The following MYO10 variants were observed in gnomAD, a reference collection of about 807,000 sequenced individuals.
MYO10 encodes unconventional myosin-X.
A neutral mutation model predicts 257.3 loss-of-function variants in MYO10; 133 were observed. The ratio of observed to expected loss-of-function variants is 0.52; its 90% confidence interval spans 0.45 to 0.60. The LOEUF is 0.60. MYO10 is among the 20% of genes least tolerant of loss of function. The pLI, the probability that MYO10 is intolerant of heterozygous loss-of-function variation, is 0.00. For missense variants in MYO10, 2,399 were observed against 2,635.7 expected (o/e 0.91, Z 1.97); for synonymous variants, 1,104 against 1,028.6 (o/e 1.07, Z -1.40).
chr5:16,718,335 C>G (rs577641760), intron 19 of MYO10, among the ~76,000 whole-genome samples: 7 of 152,340 alleles, frequency 4.6e-5, no homozygotes, highest in African/African-American at 1.7e-4. Context: ...CTAAGGAATG[C>G]GAGCGCACGG....
chr5:16,780,249 GA>G (rs1741382059), intron 8 of MYO10, among the ~76,000 whole-genome samples: 1 of 151,912 alleles, frequency 6.6e-6, no homozygotes, highest in African/African-American at 2.4e-5. Context: ...GCTGAAAAGT[GA>G]AACCAGCTGT....
In MYO10 at chr5:16,925,032, C is replaced by T. The variant is rs1009099637; in HGVS notation, c.21+10756G>A. 9.2e-4 allele frequency among the ~76,000 whole-genome samples: 140 copies of T among 152,088 alleles called. 1 individual carries two copies. The highest frequency in any genetic ancestry group is 3.4e-3 in the Middle Eastern group (1 of 294). ...TTTTTTAGTAGAGACAGGTTTTCAC[C>T]GTGTTAGTCAGGATGGTCTCGATCT... On this transcript the variant is annotated intron_variant, in intron 1 of 40. Coordinates refer to ENST00000513610, the MANE Select transcript of MYO10 (RefSeq NM_012334.3).
chr5:16,723,857 T>C (rs1266120393), intron 19 of MYO10, among the ~76,000 whole-genome samples: 2 of 152,200 alleles, frequency 1.3e-5, no homozygotes, highest in Non-Finnish European at 2.9e-5. Context: ...CAGTCTGAAA[T>C]GGCTATATAC....
intron 22 of MYO10, 29 bp from the exon 23 acceptor site, chr5:16,703,187 G>A (rs540011012): frequency 2.4e-5 from 37 of 1,526,954 alleles, no homozygotes; most frequent in Non-Finnish European, 3.2e-5. Flanking sequence ...AAGAGAATCG[G>A]CATTGAAGTA....
At chr5:16,917,909 C>T (rs1181187858) in intron 1 of MYO10, among the ~76,000 whole-genome samples, 2 of 152,118 alleles carry the variant, frequency 1.3e-5, no homozygotes, top group Non-Finnish European at 2.9e-5. Context: ...TGTATCCATC[C>T]CTTGATAACT....
At chr5:16,894,070 G>A (rs1226621525) in intron 1 of MYO10, among the ~76,000 whole-genome samples, 2 of 152,154 alleles carry the variant, frequency 1.3e-5, no homozygotes, top group Admixed American at 1.3e-4. Context: ...GGGAGTCCCT[G>A]TACACCTCTC....
rs146574486 is a variant in MYO10 at position 16,728,794 on chromosome 5, C to T, written c.1930-17549G>A. Among the ~76,000 whole-genome samples the T allele has an allele frequency of 9.8e-3, 1,493 of 152,296 alleles. 25 individuals carry two copies. The highest frequency in any genetic ancestry group is 0.033 in the African/African-American group (1,386 of 41,552). The stretch of plus-strand genomic sequence containing the variant: ...CGTCCTCGTGGGAAAACCAGAAGAG[C>T]GTGACTCCAAGTGTGGCCTGGGACG... On this transcript the variant is annotated intron_variant, in intron 19 of 40. Coordinates refer to ENST00000513610, the MANE Select transcript of MYO10 (RefSeq NM_012334.3).
intron 14 of MYO10, 54 bp downstream of exon 14, chr5:16,763,427 A>G (rs944374444): frequency 5.3e-5 from 73 of 1,371,686 alleles, no homozygotes; most frequent in Non-Finnish European, 7.6e-5. Context: ...ATAAATATGA[A>G]TCAGTCCAGC....
chr5:16,824,841 T>C (rs1289999112), intron 2 of MYO10, among the ~76,000 whole-genome samples: 1 of 152,014 alleles, frequency 6.6e-6, no homozygotes, highest in African/African-American at 2.4e-5. Context: ...CACACCAGAC[T>C]GGGCAACAGA....
chr5:16,859,251 T>C (rs1022032953), intron 2 of MYO10, among the ~76,000 whole-genome samples: 6 of 152,198 alleles, frequency 3.9e-5, no homozygotes, highest in Non-Finnish European at 7.4e-5. Context: ...AGCAAGGATA[T>C]TCTGCATCTG....
intron 35 of MYO10, among the ~76,000 whole-genome samples, chr5:16,674,229 A>T (rs1477350694): frequency 6.6e-6 from 1 of 152,172 alleles, no homozygotes; most frequent in Admixed American, 6.6e-5. Flanking sequence ...GCACTTTGGG[A>T]GGCCGAGGCG....
At position 16,935,753 on chromosome 5, in the gene MYO10, C is replaced by A. The variant is rs780303291; in HGVS notation, c.21+35G>T. The A allele has an allele frequency of 3.1e-6, 5 of 1,613,190 alleles. No individual in the cohort carries two copies. In the South Asian group the frequency reaches 3.3e-5, roughly 11 times the overall value. ...GTGGGCAGACGCCTCTCTCCCTGGG[C>A]TCCGGAGGCCAGGTCGGACTGGGAG... On this transcript the variant is annotated intron_variant, in intron 1 of 40. Coordinates refer to ENST00000513610, the MANE Select transcript of MYO10 (RefSeq NM_012334.3).
At chr5:16,917,380 T>C (rs1480156884) in intron 1 of MYO10, among the ~76,000 whole-genome samples, 1 of 152,180 alleles carries the variant, frequency 6.6e-6, no homozygotes, top group Non-Finnish European at 1.5e-5. Flanking sequence ...ACTGGATCAA[T>C]CTTCATTGTG....
chr5:16,686,589 C>A (rs555883140), intron 28 of MYO10, among the ~76,000 whole-genome samples: 288 of 151,778 alleles, frequency 1.9e-3, no homozygotes, highest in Non-Finnish European at 3.1e-3. Flanking sequence ...AGCTGGAGTA[C>A]AATGGCACAA....
rs528006710 is a variant in MYO10, at chr5:16,843,666, A to G, written c.121-25499T>C. Among the ~76,000 whole-genome samples, 4 of 152,358 alleles carry G rather than the reference A, an allele frequency of 2.6e-5. No homozygotes were observed. The South Asian group carries it at 8.3e-4, about 32-fold the overall frequency. The stretch of plus-strand genomic sequence containing the variant: ...CACTCTTGACTGCCCATTGCTAAAA[A>G]TCAAGTTAAAATGAAACAGTATTTT... On this transcript the variant is annotated intron_variant, in intron 2 of 40. Coordinates refer to ENST00000513610, the MANE Select transcript of MYO10 (RefSeq NM_012334.3).
At position 16,796,438 on chromosome 5, in the gene MYO10, AAGAC is replaced by A. The variant is rs201164887; in HGVS notation, c.280-1609_280-1606del. 9.8e-3 allele frequency among the ~76,000 whole-genome samples: 832 copies of A among 85,160 alleles called. 19 individuals carry two copies. Among genetic ancestry groups the A allele is most frequent in the African/African-American group, 0.041 (749 of 18,124 alleles). 55.9% of individuals were successfully genotyped at this position (85,160 alleles called of 152,430 possible). ...AAAGAAAGGAAAAAGAAAGAAAAGA[AAGAC>A]AGAAAGAAAGAAAGAAAGAAAGAAA... On this transcript the variant is annotated intron_variant, in intron 3 of 40. Transcript: ENST00000513610.
At chr5:16,690,144 A>C (rs1367034799) in intron 27 of MYO10, among the ~76,000 whole-genome samples, 6 of 152,202 alleles carry the variant, frequency 3.9e-5, no homozygotes, top group South Asian at 2.1e-4. Flanking sequence ...AAAAATAATA[A>C]TACTACAAAT....
At chr5:16,753,497 A>G (rs1740443140) in intron 19 of MYO10, among the ~76,000 whole-genome samples, 1 of 119,306 alleles carries the variant, frequency 8.4e-6, no homozygotes, top group South Asian at 2.7e-4. Context: ...TGGGAGACAG[A>G]GTCTGGCTCT....
At chr5:16,932,563 A>G (rs2126809678) in intron 1 of MYO10, among the ~76,000 whole-genome samples, 1 of 152,296 alleles carries the variant, frequency 6.6e-6, no homozygotes, top group Middle Eastern at 3.4e-3. Flanking sequence ...CTGAAAAAAC[A>G]AGCTTCCCCA....
Sources: allele counts gnomAD v4.1 joint callset (sites outside exome capture counted in the v4.1 genomes callset), GRCh38; gene constraint gnomAD v4.1.1; transcripts MANE v1.5; gene names NCBI Gene and HGNC (gene_info 2026-07-23, HGNC 2026-07-21).